The following LMX1B variants were observed in gnomAD, a reference collection of about 807,000 sequenced individuals.
LMX1B encodes LIM homeobox transcription factor 1 beta, also known as LIM homeobox transcription factor 1-beta.
Under a neutral mutation model 51.4 loss-of-function variants are expected in LMX1B, and 12 were observed. That is an observed-to-expected ratio of 0.23 (90% confidence interval 0.15 to 0.38). LMX1B has a LOEUF of 0.38. Ranked by LOEUF, LMX1B falls within the 10% of genes least tolerant of loss-of-function variation. LMX1B has a pLI of 1.00. For synonymous variants in LMX1B, 237 were observed against 235.4 expected (o/e 1.01, Z -0.06); for missense variants, 445 against 571.1 (o/e 0.78, Z 2.25).
chr9:126,694,405 G>T (rs1039889279), intron 6 of LMX1B, among the ~76,000 whole-genome samples: 1 of 152,166 alleles, frequency 6.6e-6, no homozygotes, highest in African/African-American at 2.4e-5. Context: ...GAATTCTGCA[G>T]ACAAAGCTTG....
At chr9:126,619,546 A>G (rs1369037958) in intron 2 of LMX1B, among the ~76,000 whole-genome samples, 1 of 152,192 alleles carries the variant, frequency 6.6e-6, no homozygotes, top group Non-Finnish European at 1.5e-5. Context: ...ACTTTGCCTT[A>G]CAAAAAGGCT....
At chr9:126,682,281 T>C (rs1339089552) in intron 2 of LMX1B, among the ~76,000 whole-genome samples, 3 of 151,812 alleles carry the variant, frequency 2.0e-5, no homozygotes, top group African/African-American at 7.3e-5. Context: ...CTTCCCCCGA[T>C]ATTGTAGATA....
In LMX1B at chr9:126,615,281, G is replaced by T; in HGVS notation, c.140-102G>T. ...AGGCGGCAGGCGGTGATCCCGGGCG[G>T]CCCGAGCCCTCGGGGCCGAGGGCTG... is the stretch of plus-strand genomic sequence containing the variant. On this transcript the variant is annotated intron_variant, in intron 1 of 7. Transcript: ENST00000373474. This position sits in a 1 kb window ranked among gnomAD's most constrained non-coding sequence, Gnocchi z 6.0. The T allele has an allele frequency of 1.2e-6, 1 of 846,100 alleles. No individual in the cohort carries two copies. The highest frequency in any genetic ancestry group is 1.5e-6 in the Non-Finnish European group (1 of 646,964). The allele number at this position is 846,100 out of a possible 1,614,324, so 52.4% of individuals were successfully genotyped here. A position where few individuals can be genotyped will look rare whatever the true frequency, so the allele number is the denominator to read the frequency against.
chr9:126,683,318 G>A (rs914349355), intron 2 of LMX1B, among the ~76,000 whole-genome samples: 1 of 151,694 alleles, frequency 6.6e-6, no homozygotes, highest in African/African-American at 2.4e-5. Context: ...CCGGCCCGCG[G>A]CCGCCGCATC....
chr9:126,678,335 A>AAAAAAAC lies in LMX1B; in HGVS notation c.327-12495_327-12489dup, dbSNP rs1836610395. On this transcript the variant is annotated intron_variant, in intron 2 of 7. Coordinates refer to ENST00000373474, the MANE Select transcript of LMX1B (RefSeq NM_001174147.2). ...AAAAAAAAAAAACAAAAAACAAAAAAAAAAAACAAAAAGACTGCGGAGAAG... is the reference window on the plus strand; with the variant it reads ...AAAAAAAAAAAACAAAAAACAAAAAAAAAAAACAAAAAACAAAAAGACTGCGGAGAAG... 1.4e-3 allele frequency among the ~76,000 whole-genome samples: 192 copies of AAAAAAAC among 141,222 alleles called. 2 individuals carry two copies. The highest frequency in any genetic ancestry group is 2.0e-3 in the Non-Finnish European group (133 of 65,532). The allele number at this position is 141,222 out of a possible 152,430, so 92.6% of individuals were successfully genotyped here.
At chr9:126,684,086 G>A (rs892423768) in intron 2 of LMX1B, among the ~76,000 whole-genome samples, 7 of 152,114 alleles carry the variant, frequency 4.6e-5, no homozygotes, top group Non-Finnish European at 8.8e-5. Context: ...AATGTGAGAG[G>A]GTGTAGCCGG....
At chr9:126,621,243 G>A (rs748765831) in intron 2 of LMX1B, among the ~76,000 whole-genome samples, 2 of 152,222 alleles carry the variant, frequency 1.3e-5, no homozygotes, top group Non-Finnish European at 2.9e-5. Context: ...AGGGAGGAAG[G>A]GAGGGATAGT....
rs1359561795 is a variant in LMX1B at position 126,613,960 on chromosome 9, C to A, written c.-490C>A. Among the ~76,000 whole-genome samples the A allele has an allele frequency of 2.1e-5, 3 of 145,998 alleles. No homozygotes were observed. The highest frequency in any genetic ancestry group is 7.4e-5 in the African/African-American group (3 of 40,684). ...GCTCTAAACCCGGCGGCTCAGCGGG[C>A]GCACCATGGCACTGGAGTAGCGCGG... On this transcript the variant is annotated 5_prime_UTR_variant, in exon 1 of 8. Transcript: ENST00000373474. The surrounding 1 kb of genome is among the most constrained non-coding windows in gnomAD (Gnocchi z 4.5).
At chr9:126,623,782 GCCAGCCCT>G (rs1290230260) in intron 2 of LMX1B, among the ~76,000 whole-genome samples, 1 of 152,234 alleles carries the variant, frequency 6.6e-6, no homozygotes, top group Non-Finnish European at 1.5e-5. Context: ...CCCCTGTAGG[GCCAGCCCT>G]GGCCAGCGGA....
chr9:126,683,007 G>T (rs973175572), intron 2 of LMX1B, among the ~76,000 whole-genome samples: 7 of 151,554 alleles, frequency 4.6e-5, no homozygotes, highest in African/African-American at 1.7e-4. Context: ...TCCCGGCTGT[G>T]CCCGTCCCTC....
chr9:126,688,424 C>T (rs547664199), intron 2 of LMX1B, among the ~76,000 whole-genome samples: 20 of 152,338 alleles, frequency 1.3e-4, no homozygotes, highest in Non-Finnish European at 2.6e-4. Context: ...ACGCTAGCAG[C>T]GACACGGCCA....
Position 126,693,134 on chromosome 9 carries a change from C to G in LMX1B, c.560-8C>G. On this transcript the variant is annotated splice_region_variant and splice_polypyrimidine_tract_variant and intron_variant, in intron 3 of 7. Transcript: ENST00000373474. ...CCTTCATCACAGGCCGGGTTGTGTC[C>G]CCCACAGTGAAGAGCGAGGATGAAG... 6.4e-7 allele frequency: 1 copy of G among 1,563,348 alleles called. No individual in the cohort carries two copies. The highest frequency in any genetic ancestry group is 8.7e-7 in the Non-Finnish European group (1 of 1,154,160).
chr9:126,635,909 G>T (rs1429598273), intron 2 of LMX1B, among the ~76,000 whole-genome samples: 3 of 152,176 alleles, frequency 2.0e-5, no homozygotes, highest in African/African-American at 7.2e-5. Flanking sequence ...CTGCCCTGTG[G>T]GCTGCCAGGC....
rs929539192 is a variant in LMX1B, at chr9:126,629,989, C to CA, written c.326+14427dup. ...TGAAACCCCGTCTCCACTAAAAATACAAAAAAATTAGCTGGGCGTCATGGC... is the reference window on the plus strand; with the variant it reads ...TGAAACCCCGTCTCCACTAAAAATACAAAAAAAATTAGCTGGGCGTCATGGC... On this transcript the variant is annotated intron_variant, in intron 2 of 7. Transcript: ENST00000373474. Among the ~76,000 whole-genome samples, 12 of 151,864 alleles carry CA rather than the reference C, an allele frequency of 7.9e-5. No homozygotes were observed. The South Asian group carries it at 2.3e-3, about 29-fold the overall frequency.
chr9:126,632,408 G>A (rs1027589525), intron 2 of LMX1B, among the ~76,000 whole-genome samples: 1 of 152,168 alleles, frequency 6.6e-6, no homozygotes, highest in African/African-American at 2.4e-5. Context: ...GGGACAGTGA[G>A]TCTGGCGGAG....
At chr9:126,690,812 C>CGG in intron 2 of LMX1B, 24 bp from the exon 3 acceptor site, 1 of 1,582,068 alleles carries the variant, frequency 6.3e-7, no homozygotes, top group South Asian at 1.1e-5. Flanking sequence ...GCACCGCCAA[C>CGG]ACGCCCGCTT....
intron 2 of LMX1B, among the ~76,000 whole-genome samples, chr9:126,652,326 C>T (rs1315214985): frequency 6.6e-6 from 1 of 151,886 alleles, no homozygotes; most frequent in Non-Finnish European, 1.5e-5. Flanking sequence ...TTCTTCCCGG[C>T]CTGCTTATCT....
intron 2 of LMX1B, among the ~76,000 whole-genome samples, chr9:126,688,267 T>G (rs1349879128): frequency 6.6e-6 from 1 of 152,182 alleles, no homozygotes; most frequent in Non-Finnish European, 1.5e-5. Flanking sequence ...AGCGCGGCTG[T>G]TCTGAGCACA....
rs1015231436 is a variant in LMX1B, at chr9:126,658,180, A to C, written c.327-32656A>C. Among the ~76,000 whole-genome samples the C allele has an allele frequency of 2.0e-5, 3 of 151,740 alleles. No homozygotes were observed. The highest frequency in any genetic ancestry group is 4.4e-5 in the Non-Finnish European group (3 of 67,920). On this transcript the variant is annotated intron_variant, in intron 2 of 7. Coordinates refer to ENST00000373474, the MANE Select transcript of LMX1B (RefSeq NM_001174147.2). This position sits in a 1 kb window ranked among gnomAD's most constrained non-coding sequence, Gnocchi z 4.0. ...AGAGGTCAGGGGTCTGTGTCTGGGG[A>C]ATGTGGGGGCTGGGTTGTAGGAGTG...
Sources: allele counts gnomAD v4.1 joint callset (sites outside exome capture counted in the v4.1 genomes callset), GRCh38; gene constraint gnomAD v4.1.1; non-coding constraint Gnocchi (gnomAD v3.1); transcripts MANE v1.5; gene names NCBI Gene and HGNC (gene_info 2026-07-23, HGNC 2026-07-21).